Variants in USP2 observed in about 807,000 individuals in gnomAD.
USP2 encodes the protein ubiquitin specific peptidase 2.
Under a neutral mutation model 72.0 loss-of-function variants are expected in USP2, and 33 were observed. That is an observed-to-expected ratio of 0.46 (90% CI 0.35 to 0.61). The LOEUF is 0.61. Ranked by LOEUF, USP2 falls within the 20% of genes least tolerant of loss-of-function variation. The pLI, the probability that USP2 is intolerant of heterozygous loss-of-function variation, is 0.01. For synonymous variants in USP2, 296 were observed against 312.5 expected, an observed-to-expected ratio of 0.95 and a Z score of 0.56; for missense variants, 691 against 797.8, an observed-to-expected ratio of 0.87 and a Z score of 1.61.
chr11:119,362,131 C>G (rs1026791286), intron 2 of USP2, among the ~76,000 whole-genome samples: 1 of 152,206 alleles, frequency 6.6e-6, no homozygotes, highest in Non-Finnish European at 1.5e-5. Flanking sequence ...CATTCTACCA[C>G]TGGTGACCGT....
At chr11:119,357,081 A>G in intron 12 of USP2, 106 bp downstream of exon 12, 2 of 716,706 alleles carry the variant, frequency 2.8e-6, no homozygotes, top group Non-Finnish European at 3.6e-6. Context: ...TTCTCGGTGT[A>G]AGCCGTGCGG....
Position 119,373,382 on chromosome 11 carries a change from G to A in USP2, c.99C>T (p.Ser33=), listed in dbSNP as rs1344617938. 1.2e-6 allele frequency: 2 copies of A among 1,611,076 alleles called. No homozygotes were observed. The highest frequency in any genetic ancestry group is 1.3e-5 in the African/African-American group (1 of 74,916). ...AKSGYGAYTP[S]SYGANLAASL... is the part of the protein sequence containing the mutation. Reference sequence around the variant, plus strand: ...AGGCAGCCAGATTGGCCCCATAGGAGGACGGGGTGTAGGCACCATAGCCCG... The same window carrying A: ...AGGCAGCCAGATTGGCCCCATAGGAAGACGGGGTGTAGGCACCATAGCCCG... Residue 33 remains serine, a synonymous_variant, in exon 2 of 13, where the codon TCC becomes TCT. Coordinates refer to ENST00000260187, the MANE Select transcript of USP2 (RefSeq NM_004205.5).
At position 119,356,740 on chromosome 11, in the gene USP2, T is replaced by C; in HGVS notation, c.*95A>G. On this transcript the variant is annotated 3_prime_UTR_variant, in exon 13 of 13. Transcript: ENST00000260187. ...CAGGTTTGTTTTTCTCTTGTCAGGTTTGTGTGTTGTTGTTGTTGTTTTGTT... is the reference window on the plus strand; with the variant it reads ...CAGGTTTGTTTTTCTCTTGTCAGGTCTGTGTGTTGTTGTTGTTGTTTTGTT... The C allele has an allele frequency of 8.1e-7, 1 of 1,237,284 alleles. No individual in the cohort carries two copies. The highest frequency in any genetic ancestry group is 1.1e-6 in the Non-Finnish European group (1 of 896,796). The allele number at this position is 1,237,284 out of a possible 1,614,324, so 76.6% of individuals were successfully genotyped here. A position where few individuals can be genotyped will look rare whatever the true frequency, so the allele number is the denominator to read the frequency against.
intron 1 of USP2, among the ~76,000 whole-genome samples, chr11:119,374,816 G>A (rs908227734): frequency 6.6e-5 from 10 of 152,188 alleles, no homozygotes; most frequent in African/African-American, 2.4e-4. Flanking sequence ...GACTTGCCCT[G>A]TGATGGACTA....
intron 1 of USP2, chr11:119,379,045 C>A: frequency 1.0e-6 from 1 of 985,544 alleles, no homozygotes; most frequent in Non-Finnish European, 1.2e-6. Flanking sequence ...GGGGGCTTCT[C>A]CTTCCCCAGC....
At chr11:119,377,780 C>T (rs762893935) in intron 1 of USP2, among the ~76,000 whole-genome samples, 8 of 152,148 alleles carry the variant, frequency 5.3e-5, no homozygotes, top group Non-Finnish European at 1.0e-4. Flanking sequence ...TTTCCTGTTG[C>T]TCACATGAAG....
chr11:119,381,441 C>T (rs565296), intron 1 of USP2, 32 bp downstream of exon 1: 1,342,685 of 1,534,706 alleles, frequency 0.87, 587,600 homozygotes, highest in East Asian at 0.93. Flanking sequence ...CCCCGAATCC[C>T]CCCTCCCGGA....
chr11:119,362,843 CA>C (rs111476112), intron 2 of USP2, among the ~76,000 whole-genome samples: 2,901 of 152,326 alleles, frequency 0.019, 100 homozygotes, highest in African/African-American at 0.066. Context: ...TCCTTCCATT[CA>C]GCCATCAGCA....
chr11:119,357,004 G>A, intron 12 of USP2, 82 bp from the exon 13 acceptor site: 6 of 1,488,936 alleles, frequency 4.0e-6, no homozygotes, highest in Middle Eastern at 2.4e-4. Context: ...CCCCGAGGCC[G>A]GCCGGCCTGC....
In USP2 at chr11:119,356,750, T is replaced by G; in HGVS notation, c.*85A>C. 8.0e-6 allele frequency: 10 copies of G among 1,257,854 alleles called. No individual in the cohort carries two copies. The highest frequency in any genetic ancestry group is 1.1e-5 in the Non-Finnish European group (10 of 912,576). The allele number at this position is 1,257,854 out of a possible 1,614,324, so 77.9% of individuals were successfully genotyped here. On this transcript the variant is annotated 3_prime_UTR_variant, in exon 13 of 13. Coordinates refer to ENST00000260187, the MANE Select transcript of USP2 (RefSeq NM_004205.5). ...TTTCTCTTGTCAGGTTTGTGTGTTG[T>G]TGTTGTTGTTTTGTTTTTGTCTTTT...
In USP2 at chr11:119,357,529, G is replaced by T; in HGVS notation, c.1563C>A (p.Phe521Leu). 6.2e-7 allele frequency: 1 copy of T among 1,614,140 alleles called. No individual in the cohort carries two copies. ...CTCTTAAGTCCAGGTCTCTTAGGGG[G>T]AAGTTCACAAATGTTGTGAGCTTGC... is the stretch of plus-strand genomic sequence containing the variant. Reference protein sequence around the residue: ...RTSKLTTFVNFPLRDLDLREF... With the variant: ...RTSKLTTFVNLPLRDLDLREF... The change falls in exon 11 of 13, where the codon TTC becomes TTA. Residue 521 changes from phenylalanine to leucine, a missense_variant. Transcript: ENST00000260187.
intron 11 of USP2, 61 bp from the exon 12 acceptor site, chr11:119,357,368 C>G: frequency 1.2e-6 from 2 of 1,607,384 alleles, no homozygotes; most frequent in Non-Finnish European, 1.7e-6. Context: ...CCCCCTCCAA[C>G]CTCTCCTTCT....
chr11:119,362,528 A>C (rs1426329532), intron 2 of USP2, among the ~76,000 whole-genome samples: 1 of 152,098 alleles, frequency 6.6e-6, no homozygotes, highest in Non-Finnish European at 1.5e-5. Flanking sequence ...TGGGGGCGAC[A>C]GAGGAGGGGG....
intron 6 of USP2, 70 bp from the exon 7 acceptor site, chr11:119,358,907 A>T: frequency 6.3e-7 from 1 of 1,595,520 alleles, no homozygotes; most frequent in Non-Finnish European, 8.6e-7. Context: ...GTCAATTTTG[A>T]TCCTTCATCT....
chr11:119,364,281 C>G lies in USP2; in HGVS notation c.775-4047G>C, dbSNP rs1051709673. 22 of 746,996 alleles carry G rather than the reference C, an allele frequency of 2.9e-5. No individual in the cohort carries two copies. In the African/African-American group the frequency reaches 3.8e-4, roughly 13 times the overall value. 46.3% of individuals were successfully genotyped at this position (746,996 alleles called of 1,614,324 possible). ...GGGCCAGGCCCTAAGCCCCGCCCCACCTCGCCTCTACCCCGCCCCCGGCGC... is the reference window on the plus strand; with the variant it reads ...GGGCCAGGCCCTAAGCCCCGCCCCAGCTCGCCTCTACCCCGCCCCCGGCGC... On this transcript the variant is annotated intron_variant, in intron 2 of 12. Transcript: ENST00000260187.
Position 119,381,678 on chromosome 11 carries a change from C to T in USP2, c.-247G>A, listed in dbSNP as rs1951060773. The stretch of plus-strand genomic sequence containing the variant: ...ATCGGCGCCACCCAGCGGGCAGCCG[C>T]CTCATCGCGCCTGGGCCGGCAGAGC... On this transcript the variant is annotated 5_prime_UTR_variant, in exon 1 of 13. Transcript: ENST00000260187. 10 of 856,454 alleles carry T rather than the reference C, an allele frequency of 1.2e-5. No individual in the cohort carries two copies. The South Asian group carries it at 1.5e-4, about 13-fold the overall frequency. The allele number at this position is 856,454 out of a possible 1,614,324, so 53.1% of individuals were successfully genotyped here.
At chr11:119,363,496 T>C (rs1950797194) in intron 2 of USP2, among the ~76,000 whole-genome samples, 2 of 151,878 alleles carry the variant, frequency 1.3e-5, no homozygotes, top group South Asian at 4.2e-4. Context: ...CCCGGCACGG[T>C]CCAGCGTGCT....
Position 119,372,948 on chromosome 11 carries a change from T to A in USP2, c.533A>T (p.Glu178Val), listed in dbSNP as rs1950951824. Residue 178 changes from glutamate (E) to valine (V), a missense_variant, in exon 2 of 13, where the codon GAG becomes GTG. By Grantham distance (121) the Glu-to-Val change is moderately radical (BLOSUM62 -2). Coordinates refer to ENST00000260187, the MANE Select transcript of USP2 (RefSeq NM_004205.5). ...GTAGAGCCCCTGCAGGGTGCAGAGC[T>A]CCTTGCGCGTCCGGGCCAGCATGGG... ...RSPMLARTRKELCTLQGLYQT... is the reference protein window; with the variant it reads ...RSPMLARTRKVLCTLQGLYQT... 6.2e-7 allele frequency: 1 copy of A among 1,613,692 alleles called. No individual in the cohort carries two copies. The highest frequency in any genetic ancestry group is 2.2e-5 in the East Asian group (1 of 44,866).
intron 4 of USP2, 61 bp downstream of exon 4, chr11:119,359,476 C>A (rs1950727488): frequency 6.2e-7 from 1 of 1,608,082 alleles, no homozygotes; most frequent in South Asian, 1.1e-5. Flanking sequence ...CCTAGAACAG[C>A]CCCAGTGGAG....
Sources: allele counts gnomAD v4.1 joint callset (sites outside exome capture counted in the v4.1 genomes callset), GRCh38; gene constraint gnomAD v4.1.1; transcripts MANE v1.5; gene names NCBI Gene and HGNC (gene_info 2026-07-23, HGNC 2026-07-21).